The following ZNF33A variants were observed in gnomAD, a reference collection of about 807,000 sequenced individuals.
ZNF33A encodes zinc finger protein 33A.
A neutral mutation model predicts 15.9 loss-of-function variants in ZNF33A; 9 were observed. That is an observed-to-expected ratio of 0.57 (90% CI 0.34 to 0.99). The LOEUF (loss-of-function observed/expected upper bound fraction) is 0.99. ZNF33A is among the 50% of genes least tolerant of loss of function. ZNF33A has a pLI of 0.02. For missense variants in ZNF33A, 843 were observed against 941.6 expected (o/e 0.90, Z 1.37); for synonymous variants, 294 against 324.2 (o/e 0.91, Z 1.00).
chr10:38,061,010 T>C (rs2135793197), downstream of ZNF33A, among the ~76,000 whole-genome samples: 1 of 152,272 alleles, frequency 6.6e-6, no homozygotes, highest in Non-Finnish European at 1.5e-5. Context: ...GTGACCACAC[T>C]GTACAGCACT....
intron 4 of ZNF33A, among the ~76,000 whole-genome samples, chr10:38,053,692 C>CCTTTG (rs1564874214): frequency 1.3e-5 from 2 of 152,076 alleles, no homozygotes; most frequent in African/African-American, 4.8e-5. Flanking sequence ...GTTTGATTAC[C>CCTTTG]CTTTGCCTCT....
At position 38,010,742 on chromosome 10, in the gene ZNF33A, A is replaced by G; in HGVS notation, c.-86A>G. 2 of 1,598,392 alleles carry G rather than the reference A, an allele frequency of 1.3e-6. No homozygotes were observed. The highest frequency in any genetic ancestry group is 1.7e-6 in the Non-Finnish European group (2 of 1,179,810). The stretch of plus-strand genomic sequence containing the variant: ...GGCGGTCCCGGGATTTCAAGGGTCT[A>G]CGCGCTTTTCTATGGCGAATGCAAC... On this transcript the variant is annotated 5_prime_UTR_variant, in exon 1 of 5. Transcript: ENST00000432900.
chr10:38,049,408 G>A (rs1261122628), intron 4 of ZNF33A, among the ~76,000 whole-genome samples: 1 of 151,928 alleles, frequency 6.6e-6, no homozygotes, highest in East Asian at 1.9e-4. Flanking sequence ...AAGCACCTGA[G>A]GTCATTGATT....
Position 38,017,403 on chromosome 10 carries a change from T to C in ZNF33A, c.250+17T>C, listed in dbSNP as rs765476739. ...GCTTTCCAGGTGAGTTAATATGTAC[T>C]GCACAGATTCACATCAGGGGATTTG... On this transcript the variant is annotated intron_variant, in intron 4 of 4. Transcript: ENST00000432900. 6.3e-7 allele frequency: 1 copy of C among 1,578,792 alleles called. No homozygotes were observed. Among genetic ancestry groups the C allele is most frequent in the Non-Finnish European group, 8.7e-7 (1 of 1,151,276 alleles).
At chr10:38,065,748 ATG>A (rs1253104690), downstream of ZNF33A, among the ~76,000 whole-genome samples, 11 of 143,380 alleles carry the variant, frequency 7.7e-5, no homozygotes, top group African/African-American at 2.9e-4. Flanking sequence ...TTTTGCTCTT[ATG>A]CCCAGGCTGG....
At chr10:38,018,976 T>A (rs976444988) in intron 4 of ZNF33A, among the ~76,000 whole-genome samples, 7 of 151,864 alleles carry the variant, frequency 4.6e-5, no homozygotes, top group African/African-American at 1.7e-4. Flanking sequence ...GTGATAATTT[T>A]ATTTTATTTT....
rs1240845080 is a variant in ZNF33A at position 38,054,880 on chromosome 10, T to G, written c.756T>G (p.Phe252Leu). Residue 252 changes from phenylalanine to leucine, a missense_variant, in exon 5 of 5, where the codon TTT becomes TTG. Coordinates refer to ENST00000432900, the MANE Select transcript of ZNF33A (RefSeq NM_006954.2). Reference sequence around the variant, plus strand: ...AGAATAACTGTGATTATAATGAATTTGGGAGAACTTTGTGTGATAGTTCAT... The same window carrying G: ...AGAATAACTGTGATTATAATGAATTGGGGAGAACTTTGTGTGATAGTTCAT... ...AEENNCDYNEFGRTLCDSSSL... is the reference protein window; with the variant it reads ...AEENNCDYNELGRTLCDSSSL... The G allele has an allele frequency of 1.9e-6, 3 of 1,613,728 alleles. No individual in the cohort carries two copies. The highest frequency in any genetic ancestry group is 1.7e-5 in the Admixed American group (1 of 59,986).
chr10:38,063,981 C>A, downstream of ZNF33A: 2 of 1,052,646 alleles, frequency 1.9e-6, no homozygotes, highest in Non-Finnish European at 1.4e-6. Flanking sequence ...CAGGACAGTG[C>A]ATTCTGTAGG....
chr10:38,027,879 G>A (rs1377957533), intron 4 of ZNF33A, among the ~76,000 whole-genome samples: 1 of 152,022 alleles, frequency 6.6e-6, no homozygotes, highest in Non-Finnish European at 1.5e-5. Context: ...CCCTTTTGGT[G>A]GCTATTTTCA....
chr10:38,040,803 A>G (rs1183001225), intron 4 of ZNF33A, among the ~76,000 whole-genome samples: 1 of 152,156 alleles, frequency 6.6e-6, no homozygotes, highest in Non-Finnish European at 1.5e-5. Context: ...TGCTATGCAG[A>G]TGGTTCCTGA....
intron 4 of ZNF33A, among the ~76,000 whole-genome samples, chr10:38,047,893 A>G (rs1263804565): frequency 6.6e-6 from 1 of 152,178 alleles, no homozygotes; most frequent in Non-Finnish European, 1.5e-5. Flanking sequence ...AATGCTCTAA[A>G]TCAGTGTTAA....
intron 4 of ZNF33A, among the ~76,000 whole-genome samples, chr10:38,024,930 T>C (rs963721477): frequency 6.6e-6 from 1 of 152,246 alleles, no homozygotes; most frequent in African/African-American, 2.4e-5. Flanking sequence ...TGATTATTTA[T>C]TGTCACAATA....
rs553303546 is a variant in ZNF33A, at chr10:38,032,143, T to C, written c.250+14757T>C. 3.1e-4 allele frequency among the ~76,000 whole-genome samples: 47 copies of C among 151,664 alleles called. No individual in the cohort carries two copies. In the South Asian group the frequency reaches 9.8e-3, roughly 32 times the overall value. On this transcript the variant is annotated intron_variant, in intron 4 of 4. Transcript: ENST00000432900. The stretch of plus-strand genomic sequence containing the variant: ...ACAATAAAAAAAAATAAAACAAGGG[T>C]TGGGAAGTCAAATTGTCATTTTGTG...
chr10:38,014,533 C>T (rs1372343214), intron 2 of ZNF33A, among the ~76,000 whole-genome samples: 1 of 152,194 alleles, frequency 6.6e-6, no homozygotes, highest in Admixed American at 6.5e-5. Flanking sequence ...TGAGTGTCTA[C>T]TTCTGTATGA....
At chr10:38,023,516 C>T (rs1052764705) in intron 4 of ZNF33A, among the ~76,000 whole-genome samples, 3 of 152,128 alleles carry the variant, frequency 2.0e-5, no homozygotes, top group African/African-American at 7.2e-5. Flanking sequence ...AGAAAAATTA[C>T]ATAACATCAG....
At chr10:38,046,935 A>G (rs997494220) in intron 4 of ZNF33A, among the ~76,000 whole-genome samples, 39 of 152,266 alleles carry the variant, frequency 2.6e-4, no homozygotes, top group Middle Eastern at 3.4e-3. Context: ...GCACTTTGGC[A>G]GGCCAAGGGA....
intron 4 of ZNF33A, among the ~76,000 whole-genome samples, chr10:38,026,628 C>T (rs1015921899): frequency 7.2e-5 from 11 of 152,230 alleles, no homozygotes; most frequent in African/African-American, 2.7e-4. Flanking sequence ...CTGCACCCAG[C>T]CTTAACTTAC....
intron 4 of ZNF33A, among the ~76,000 whole-genome samples, chr10:38,030,314 G>A (rs941904966): frequency 6.6e-6 from 1 of 152,118 alleles, no homozygotes; most frequent in Admixed American, 6.6e-5. Flanking sequence ...CAGTTTTATG[G>A]GTAATAGCCC....
In ZNF33A at chr10:38,057,990, G is replaced by C; in HGVS notation, c.*1430G>C. 1.0e-6 allele frequency: 1 copy of C among 985,270 alleles called. No individual in the cohort carries two copies. Among genetic ancestry groups the C allele is most frequent in the Non-Finnish European group, 1.2e-6 (1 of 829,890 alleles). 61.0% of individuals were successfully genotyped at this position (985,270 alleles called of 1,614,324 possible). On this transcript the variant is annotated 3_prime_UTR_variant, in exon 5 of 5. Transcript: ENST00000432900. ...AGCTGGTGTGGGGCTTTTATTGATAGTGTGAAGATTGTACACTATATTACA... is the reference window on the plus strand; with the variant it reads ...AGCTGGTGTGGGGCTTTTATTGATACTGTGAAGATTGTACACTATATTACA...
Sources: gnomAD v4.1 joint callset for allele counts (sites outside exome capture counted in the v4.1 genomes callset) on GRCh38, gnomAD v4.1.1 for gene constraint, MANE v1.5 for transcripts, NCBI Gene and HGNC (gene_info 2026-07-23, HGNC 2026-07-21) for gene names.